The following CNTN6 variants were observed in gnomAD, a reference collection of about 807,000 sequenced individuals.
CNTN6 encodes contactin 6, also known as contactin-6.
CNTN6 carries 137 observed loss-of-function variants against 122.8 expected under a neutral mutation model. That is an observed-to-expected ratio of 1.12 (90% CI 0.97 to 1.29). The LOEUF (loss-of-function observed/expected upper bound fraction) is 1.29. CNTN6 is among the 50% of genes most tolerant of loss of function. The pLI, the probability that CNTN6 is intolerant of heterozygous loss-of-function variation, is 0.00. For missense variants in CNTN6, 1,634 were observed against 1,223.4 expected (o/e 1.34, Z -5.01); for synonymous variants, 570 against 426.0 (o/e 1.34, Z -4.16).
chr3:1,253,585 G>A (rs987486126), intron 4 of CNTN6, among the ~76,000 whole-genome samples: 4 of 152,108 alleles, frequency 2.6e-5, no homozygotes, highest in African/African-American at 9.7e-5. Flanking sequence ...GGTCATCTAA[G>A]GCAGGACAAT....
chr3:1,214,123 T>A (rs1559526387), intron 2 of CNTN6, among the ~76,000 whole-genome samples: 1 of 152,100 alleles, frequency 6.6e-6, no homozygotes, highest in Admixed American at 6.6e-5. Flanking sequence ...GAAAGTATTC[T>A]GTGTGTATCC....
Position 1,383,326 on chromosome 3 carries a change from A to G in CNTN6, c.2435A>G (p.Gln812Arg). ...CTGGCCCCAAGGGGAACTTCTCTCC[A>G]GAGTTTTTCTGCTTCTGAAATGGAG... ...PQLAPRGTSL[Q>R]SFSASEMEVS... Residue 812 changes from glutamine to arginine, a missense_variant, in exon 19 of 23, where the codon CAG (glutamine) becomes CGG (arginine). Transcript: ENST00000446702. 6.2e-7 allele frequency: 1 copy of G among 1,614,080 alleles called. No individual in the cohort carries two copies. The highest frequency in any genetic ancestry group is 8.5e-7 in the Non-Finnish European group (1 of 1,179,926).
intron 4 of CNTN6, among the ~76,000 whole-genome samples, chr3:1,272,135 C>T (rs556986017): frequency 9.6e-4 from 147 of 152,358 alleles, no homozygotes; most frequent in African/African-American, 3.4e-3. Flanking sequence ...CCTCCTTCAC[C>T]TTCCACCATG....
At chr3:1,114,627 A>C (rs1046901837) in intron 1 of CNTN6, among the ~76,000 whole-genome samples, 1 of 152,106 alleles carries the variant, frequency 6.6e-6, no homozygotes, top group Non-Finnish European at 1.5e-5. Flanking sequence ...AAATGTGGAC[A>C]TAGTAAAATG....
chr3:1,270,174 G>C (rs141257724), intron 4 of CNTN6, among the ~76,000 whole-genome samples: 38 of 152,288 alleles, frequency 2.5e-4, no homozygotes, highest in African/African-American at 8.9e-4. Context: ...GGTGGAAAAT[G>C]AAACTGGTTT....
At chr3:1,255,844 T>C (rs2094748777) in intron 4 of CNTN6, among the ~76,000 whole-genome samples, 1 of 151,848 alleles carries the variant, frequency 6.6e-6, no homozygotes, top group South Asian at 2.1e-4. Flanking sequence ...ACTGGCTAAT[T>C]TTTTATTTTA....
intron 4 of CNTN6, among the ~76,000 whole-genome samples, chr3:1,269,422 A>G (rs1222526825): frequency 2.0e-5 from 3 of 152,218 alleles, no homozygotes; most frequent in Non-Finnish European, 4.4e-5. Flanking sequence ...TTACTAGTTA[A>G]GTAATCTGGC....
At chr3:1,178,143 C>G (rs562557034) in intron 2 of CNTN6, among the ~76,000 whole-genome samples, 1 of 152,160 alleles carries the variant, frequency 6.6e-6, no homozygotes, top group South Asian at 2.1e-4. Flanking sequence ...TCAAATGATC[C>G]ACCCACCTCA....
chr3:1,400,159 C>T lies in CNTN6; in HGVS notation c.2705-1274C>T, dbSNP rs1043004728. Reference sequence around the variant, plus strand: ...TGAATTAAATATTATGCTCACTCAGCCTCACAAATTCAAAAGAGATGCCAA... The same window carrying T: ...TGAATTAAATATTATGCTCACTCAGTCTCACAAATTCAAAAGAGATGCCAA... On this transcript the variant is annotated intron_variant, in intron 20 of 22. Coordinates refer to ENST00000446702, the MANE Select transcript of CNTN6 (RefSeq NM_001289080.2). 3.9e-5 allele frequency among the ~76,000 whole-genome samples: 6 copies of T among 152,072 alleles called. No individual in the cohort carries two copies. In the South Asian group the frequency reaches 8.3e-4, roughly 21 times the overall value.
chr3:1,151,762 T>A (rs1019603235), intron 2 of CNTN6, among the ~76,000 whole-genome samples: 2 of 152,164 alleles, frequency 1.3e-5, no homozygotes, highest in Non-Finnish European at 2.9e-5. Flanking sequence ...GACAAAAAAG[T>A]TCTTGACTAA....
At chr3:1,212,903 T>C (rs1453579506) in intron 2 of CNTN6, among the ~76,000 whole-genome samples, 1 of 152,118 alleles carries the variant, frequency 6.6e-6, no homozygotes, top group Non-Finnish European at 1.5e-5. Flanking sequence ...GTGGTATAAA[T>C]TCAAGCTCCT....
intron 4 of CNTN6, among the ~76,000 whole-genome samples, chr3:1,253,338 CAATA>C (rs1267006184): frequency 2.0e-5 from 3 of 152,140 alleles, no homozygotes; most frequent in South Asian, 4.2e-4. Flanking sequence ...TTTGAGATCT[CAATA>C]GATAGTGAAA....
chr3:1,340,501 T>C (rs1166067029), intron 11 of CNTN6, among the ~76,000 whole-genome samples: 1 of 152,162 alleles, frequency 6.6e-6, no homozygotes, highest in Non-Finnish European at 1.5e-5. Flanking sequence ...TAACATACAA[T>C]GTAATTTTTG....
chr3:1,097,322 C>T (rs887433885), intron 1 of CNTN6, among the ~76,000 whole-genome samples: 4 of 152,052 alleles, frequency 2.6e-5, no homozygotes, highest in Non-Finnish European at 5.9e-5. Flanking sequence ...GACTCAAATC[C>T]TTTTTGAAAG....
At chr3:1,122,924 G>T in intron 1 of CNTN6, among the ~76,000 whole-genome samples, 1 of 151,876 alleles carries the variant, frequency 6.6e-6, no homozygotes, top group East Asian at 1.9e-4. Flanking sequence ...TTGTTTGAGT[G>T]CCAGTTTTCA....
chr3:1,300,041 A>G (rs1181231820), intron 7 of CNTN6, among the ~76,000 whole-genome samples: 1 of 151,700 alleles, frequency 6.6e-6, no homozygotes, highest in Admixed American at 6.6e-5. Context: ...CAGTGGCTTG[A>G]TCTCAGCTCA....
intron 13 of CNTN6, 26 bp downstream of exon 13, chr3:1,372,500 T>G: frequency 6.4e-7 from 1 of 1,556,608 alleles, no homozygotes; most frequent in Non-Finnish European, 8.7e-7. Flanking sequence ...TGTTAAGTGC[T>G]TAATAAAATG....
intron 1 of CNTN6, among the ~76,000 whole-genome samples, chr3:1,095,030 A>G (rs1224607799): frequency 6.6e-6 from 1 of 152,116 alleles, no homozygotes; most frequent in African/African-American, 2.4e-5. Context: ...ACTGGTGCCT[A>G]AATTCAGATA....
chr3:1,389,813 A>G (rs1220999401), intron 20 of CNTN6, among the ~76,000 whole-genome samples: 1 of 151,418 alleles, frequency 6.6e-6, no homozygotes, highest in Non-Finnish European at 1.5e-5. Context: ...GAGACAAAGA[A>G]GGCCATTACA....
Sources: gnomAD v4.1 joint callset for allele counts (sites outside exome capture counted in the v4.1 genomes callset) on GRCh38, gnomAD v4.1.1 for gene constraint, MANE v1.5 for transcripts, NCBI Gene and HGNC (gene_info 2026-07-23, HGNC 2026-07-21) for gene names.